MIGA2: variants seen among roughly 807,000 people sequenced by gnomAD.
The protein encoded by MIGA2 is mitoguardin 2.
A neutral mutation model predicts 69.9 loss-of-function variants in MIGA2; 36 were observed. The ratio of observed to expected loss-of-function variants is 0.52; its 90% CI spans 0.39 to 0.68. The LOEUF is 0.68. MIGA2 is among the 30% of genes least tolerant of loss of function. MIGA2 has a pLI of 0.00. For synonymous variants in MIGA2, 333 were observed against 349.2 expected, an observed-to-expected ratio of 0.95 and a Z score of 0.52; for missense variants, 660 against 787.7, an observed-to-expected ratio of 0.84 and a Z score of 1.94.
chr9:129,057,948 T>C (rs1845878986), intron 6 of MIGA2, among the ~76,000 whole-genome samples: 1 of 152,160 alleles, frequency 6.6e-6, no homozygotes, highest in Non-Finnish European at 1.5e-5. Context: ...TTTTCTTTTC[T>C]CTGGCTTAGT....
At chr9:129,063,655 G>GGGGGGGGGGCC in intron 11 of MIGA2, 24 bp downstream of exon 11, 79 of 645,046 alleles carry the variant, frequency 1.2e-4, no homozygotes, top group Non-Finnish European at 1.9e-4. Context: ...GGGTGGGGGG[G>GGGGGGGGGGCC]CAAATTATAA....
chr9:129,040,242 G>A (rs781579479), intron 1 of MIGA2, among the ~76,000 whole-genome samples: 5 of 152,166 alleles, frequency 3.3e-5, no homozygotes, highest in African/African-American at 4.8e-5. Flanking sequence ...AGATGTTTCC[G>A]CTCGCAGGGC....
In MIGA2 at chr9:129,059,610, A is replaced by G. The variant is rs9695631; in HGVS notation, c.793+339A>G. The stretch of plus-strand genomic sequence containing the variant: ...GCTTCGAGTCCTTTCCTGTGGCTCA[A>G]ACTGGGTGGGTGGATGGAGTGACTC... On this transcript the variant is annotated intron_variant, in intron 7 of 15. Coordinates refer to ENST00000684074, the MANE Select transcript of MIGA2 (RefSeq NM_001329990.2). This position sits in a 1 kb window ranked among gnomAD's most constrained non-coding sequence, Gnocchi z 5.6. Among the ~76,000 whole-genome samples, 920 of 152,286 alleles carry G rather than the reference A, an allele frequency of 6.0e-3. 5 individuals are homozygous for G. Among genetic ancestry groups the G allele is most frequent in the African/African-American group, 0.021 (871 of 41,568 alleles).
chr9:129,060,129 G>T lies in MIGA2; in HGVS notation c.794-421G>T, dbSNP rs1845987826. Among the ~76,000 whole-genome samples the T allele has an allele frequency of 6.6e-6, 1 of 152,226 alleles. No homozygotes were observed. Among genetic ancestry groups the T allele is most frequent in the Non-Finnish European group, 1.5e-5 (1 of 68,040 alleles). ...GGAGGGGAACTCCAGGTTAGTGGCT[G>T]TGGACTCTTTCGAGCCCTTGGTATC... On this transcript the variant is annotated intron_variant, in intron 7 of 15. Coordinates refer to ENST00000684074, the MANE Select transcript of MIGA2 (RefSeq NM_001329990.2). This position sits in a 1 kb window ranked among gnomAD's most constrained non-coding sequence, Gnocchi z 4.8.
intron 6 of MIGA2, among the ~76,000 whole-genome samples, chr9:129,051,606 T>TA (rs1478883640): frequency 6.6e-6 from 1 of 150,732 alleles, no homozygotes; most frequent in East Asian, 1.9e-4. Context: ...ATTTTATTAT[T>TA]TTTTTTTAAG....
At chr9:129,040,715 T>C in intron 2 of MIGA2, 25 bp downstream of exon 2, 1 of 1,602,338 alleles carries the variant, frequency 6.2e-7, no homozygotes, top group Non-Finnish European at 8.5e-7. Context: ...GGGTTGTACC[T>C]CTGGTCTATG....
intron 3 of MIGA2, among the ~76,000 whole-genome samples, chr9:129,043,912 G>A (rs1334012814): frequency 6.6e-6 from 1 of 151,906 alleles, no homozygotes; most frequent in Non-Finnish European, 1.5e-5. Flanking sequence ...GTATTAGCCA[G>A]GATGGCCTTG....
chr9:129,062,549 A>C (rs866347826), intron 9 of MIGA2, among the ~76,000 whole-genome samples: 3 of 148,926 alleles, frequency 2.0e-5, no homozygotes, highest in African/African-American at 7.4e-5. Flanking sequence ...AAAAAAAAAA[A>C]GCAAAAAAAC....
rs369040327 is a variant in MIGA2 at position 129,048,458 on chromosome 9, C to T, written c.339C>T (p.Ser113=). The change falls in exon 4 of 16, where the codon AGC becomes AGT. Residue 113 remains serine (S), a synonymous_variant. Coordinates refer to ENST00000684074, the MANE Select transcript of MIGA2 (RefSeq NM_001329990.2). ...GYSSRRVQSP[S]SKSNDTLSGI... is the part of the protein sequence containing the mutation. Reference sequence around the variant, plus strand: ...CCAGCCGGAGAGTCCAGAGCCCCAGCAGCAAGAGCAACGACACCCTGAGTG... The same window carrying T: ...CCAGCCGGAGAGTCCAGAGCCCCAGTAGCAAGAGCAACGACACCCTGAGTG... The T allele has an allele frequency of 1.4e-5, 22 of 1,613,966 alleles. No homozygotes were observed. The Middle Eastern group carries it at 6.6e-4, about 48-fold the overall frequency.
chr9:129,057,546 C>T (rs1402331036), intron 6 of MIGA2, among the ~76,000 whole-genome samples: 4 of 152,074 alleles, frequency 2.6e-5, no homozygotes, highest in Non-Finnish European at 5.9e-5. Context: ...CTGACTTGGA[C>T]TCCCAAAGTG....
At chr9:129,056,664 G>A (rs1176828355) in intron 6 of MIGA2, among the ~76,000 whole-genome samples, 5 of 151,844 alleles carry the variant, frequency 3.3e-5, no homozygotes, top group African/African-American at 1.2e-4. Flanking sequence ...AATTACAGGC[G>A]CACACCACCA....
intron 15 of MIGA2, 77 bp from the exon 16 acceptor site, chr9:129,070,170 G>A: frequency 2.6e-6 from 4 of 1,523,646 alleles, no homozygotes; most frequent in South Asian, 2.3e-5. Flanking sequence ...TGGTGGACAA[G>A]GGGACTTCAG....
intron 3 of MIGA2, among the ~76,000 whole-genome samples, chr9:129,045,561 C>T (rs1487803813): frequency 6.6e-6 from 1 of 151,222 alleles, no homozygotes; most frequent in East Asian, 1.9e-4. Context: ...AGTTTGAGAC[C>T]AGCCTGAGCA....
chr9:129,069,788 G>GGC lies in MIGA2; in HGVS notation c.1459-60_1459-59dup. On this transcript the variant is annotated intron_variant, in intron 14 of 15. Coordinates refer to ENST00000684074, the MANE Select transcript of MIGA2 (RefSeq NM_001329990.2). This position sits in a 1 kb window ranked among gnomAD's most constrained non-coding sequence, Gnocchi z 4.9. ...AGCCCAGCCCTTTATGCGACACCTGGGCCTGGTGCCCTCATCCTACCTGGG... is the reference window on the plus strand; with the variant it reads ...AGCCCAGCCCTTTATGCGACACCTGGGCGCCTGGTGCCCTCATCCTACCTGGG... The GGC allele has an allele frequency of 1.8e-6, 2 of 1,139,174 alleles. No individual in the cohort carries two copies. The highest frequency in any genetic ancestry group is 2.5e-5 in the South Asian group (2 of 81,494). 70.6% of individuals were successfully genotyped at this position (1,139,174 alleles called of 1,614,324 possible). A position where few individuals can be genotyped will look rare whatever the true frequency, so the allele number is the denominator to read the frequency against.
In MIGA2 at chr9:129,059,098, C is replaced by G; in HGVS notation, c.676-56C>G. ...AGGGACCTGGGGGTGAGGGAAGGGG[C>G]CATTTTCATCGGGAGCTTTGAGGGT... On this transcript the variant is annotated intron_variant, in intron 6 of 15. Coordinates refer to ENST00000684074, the MANE Select transcript of MIGA2 (RefSeq NM_001329990.2). This position sits in a 1 kb window ranked among gnomAD's most constrained non-coding sequence, Gnocchi z 5.6. 8 of 1,512,526 alleles carry G rather than the reference C, an allele frequency of 5.3e-6. No individual in the cohort carries two copies. The highest frequency in any genetic ancestry group is 7.3e-6 in the Non-Finnish European group (8 of 1,089,938). 93.7% of individuals were successfully genotyped at this position (1,512,526 alleles called of 1,614,324 possible). A position where few individuals can be genotyped will look rare whatever the true frequency, so the allele number is the denominator to read the frequency against.
rs1846009026 is a variant in MIGA2, at chr9:129,060,487, G to A, written c.794-63G>A. ...GGCCTGATGGGGGACTTCGTGTACC[G>A]GGATTCCAGCTGAGCACTGTGTGGG... is the stretch of plus-strand genomic sequence containing the variant. On this transcript the variant is annotated intron_variant, in intron 7 of 15. Transcript: ENST00000684074. The surrounding 1 kb of genome is among the most constrained non-coding windows in gnomAD (Gnocchi z 4.8). The A allele has an allele frequency of 6.7e-6, 9 of 1,347,942 alleles. No individual in the cohort carries two copies. Among genetic ancestry groups the A allele is most frequent in the South Asian group, 2.6e-5 (2 of 75,574 alleles). 83.5% of individuals were successfully genotyped at this position (1,347,942 alleles called of 1,614,324 possible).
intron 6 of MIGA2, among the ~76,000 whole-genome samples, chr9:129,052,839 T>G (rs1159393360): frequency 6.6e-6 from 1 of 152,068 alleles, no homozygotes; most frequent in Non-Finnish European, 1.5e-5. Context: ...TACCTGAGGT[T>G]TGAAGTGACT....
rs6478859 is a variant in MIGA2, at chr9:129,042,439, G to A, written c.232G>A (p.Glu78Lys). Residue 78 changes from glutamate (E) to lysine (K), a missense_variant, in exon 3 of 16, where the codon GAG becomes AAG. Glu to Lys is a moderately conservative substitution (Grantham distance 56). Transcript: ENST00000684074. ...RRRRKKQVGP[E>K]MGGEQLGTVP... ...GAGGAGGAAGAAGCAGGTTGGTCCCGAGATGGGAGGGGAGCAGCTGGGCAC... is the reference window on the plus strand; with the variant it reads ...GAGGAGGAAGAAGCAGGTTGGTCCCAAGATGGGAGGGGAGCAGCTGGGCAC... 5.1e-4 allele frequency: 818 copies of A among 1,611,866 alleles called. 1 individual carries two copies. The African/African-American group carries it at 8.8e-3, about 17-fold the overall frequency.
chr9:129,050,039 G>A, intron 6 of MIGA2, 76 bp downstream of exon 6: 1 of 1,533,658 alleles, frequency 6.5e-7, no homozygotes, highest in Non-Finnish European at 8.8e-7. Flanking sequence ...CACACCTTGG[G>A]AGGCAGGCAG....
Sources: gnomAD v4.1 joint callset for allele counts (sites outside exome capture counted in the v4.1 genomes callset) on GRCh38, gnomAD v4.1.1 for gene constraint, Gnocchi (gnomAD v3.1) non-coding constraint, MANE v1.5 for transcripts, NCBI Gene and HGNC (gene_info 2026-07-23, HGNC 2026-07-21) for gene names.